Variants in STK17B observed in about 807,000 individuals in gnomAD.
STK17B encodes the protein serine/threonine-protein kinase 17B.
A neutral mutation model predicts 42.0 loss-of-function variants in STK17B; 21 were observed. The ratio of observed to expected loss-of-function variants is 0.50; its 90% CI spans 0.35 to 0.72. The LOEUF (loss-of-function observed/expected upper bound fraction) is 0.72. STK17B is among the 30% of genes least tolerant of loss of function. The pLI is 0.00. For synonymous variants in STK17B, 143 were observed against 148.4 expected, an observed-to-expected ratio of 0.96 and a Z score of 0.26; for missense variants, 349 against 446.0, an observed-to-expected ratio of 0.78 and a Z score of 1.96.
At chr2:196,175,795 C>T (rs1216646734), upstream of STK17B, among the ~76,000 whole-genome samples, 1 of 151,668 alleles carries the variant, frequency 6.6e-6, no homozygotes, top group Admixed American at 6.6e-5. Context: ...GGGCTAGAAA[C>T]GTGCCTTCTA....
intron 2 of STK17B, among the ~76,000 whole-genome samples, chr2:196,157,171 T>TA (rs1359070329): frequency 6.7e-6 from 1 of 150,260 alleles, no homozygotes; most frequent in Non-Finnish European, 1.5e-5. Context: ...AAAAAAAAGA[T>TA]ACATTATCAT....
At chr2:196,153,725 A>G (rs1465759799) in intron 3 of STK17B, 1 of 152,172 alleles carries the variant, frequency 6.6e-6, no homozygotes, top group Non-Finnish European at 1.5e-5. Flanking sequence ...ATGACATTAT[A>G]TCAAAAGGAC....
intron 1 of STK17B, among the ~76,000 whole-genome samples, 171 bp downstream of exon 1, chr2:196,171,162 G>A (rs1699937121): frequency 6.6e-6 from 1 of 152,218 alleles, no homozygotes. Context: ...GCGGAGAGGC[G>A]CCAGCAGCAA....
intron 2 of STK17B, among the ~76,000 whole-genome samples, 180 bp downstream of exon 2, chr2:196,163,082 C>A (rs905980649): frequency 6.6e-6 from 1 of 152,028 alleles, no homozygotes; most frequent in East Asian, 1.9e-4. Context: ...GTTCACTAAA[C>A]CCTCCACAGA....
rs1699527114 is a variant in STK17B at position 196,143,758 on chromosome 2, T to C, written c.481-72A>G. 4.7e-6 allele frequency: 6 copies of C among 1,290,060 alleles called. No homozygotes were observed. The Admixed American group carries it at 1.7e-4, about 36-fold the overall frequency. 79.9% of individuals were successfully genotyped at this position (1,290,060 alleles called of 1,614,324 possible). On this transcript the variant is annotated intron_variant, in intron 4 of 7. Transcript: ENST00000263955. Reference sequence around the variant, plus strand: ...ATACTAGTCTCAGATGGAAAGTATATTAAGTGGAAGATATTGCTCAGCTAT... The same window carrying C: ...ATACTAGTCTCAGATGGAAAGTATACTAAGTGGAAGATATTGCTCAGCTAT...
chr2:196,153,678 T>C (rs7586917), intron 3 of STK17B: 111,077 of 151,840 alleles, frequency 0.73, 41,049 homozygotes, highest in East Asian at 0.91. Context: ...CCCTGGAAAT[T>C]TTGGTGTGCA....
chr2:196,156,990 C>T (rs1014410868), intron 2 of STK17B, among the ~76,000 whole-genome samples: 23 of 152,080 alleles, frequency 1.5e-4, no homozygotes, highest in African/African-American at 5.6e-4. Context: ...CATGGCAAAA[C>T]CCTGTCTCTA....
rs547720073 is a variant in STK17B at position 196,171,435 on chromosome 2, G to C, written c.-147C>G. 1 of 152,202 alleles carries C rather than the reference G, an allele frequency of 6.6e-6. No individual in the cohort carries two copies. The highest frequency in any genetic ancestry group is 1.5e-5 in the Non-Finnish European group (1 of 68,066). The allele number at this position is 152,202 out of a possible 1,614,324, so 9.4% of individuals were successfully genotyped here. On this transcript the variant is annotated 5_prime_UTR_variant, in exon 1 of 8. Coordinates refer to ENST00000263955, the MANE Select transcript of STK17B (RefSeq NM_004226.4). Reference sequence around the variant, plus strand: ...CAGGACGAGTTCTCTAGCTCCAGCCGGGCGAGGCGCCAGGGAGCTCCGAAC... The same window carrying C: ...CAGGACGAGTTCTCTAGCTCCAGCCCGGCGAGGCGCCAGGGAGCTCCGAAC...
intron 6 of STK17B, among the ~76,000 whole-genome samples, chr2:196,140,117 C>A (rs138394352): frequency 2.5e-3 from 384 of 152,328 alleles, no homozygotes; most frequent in Non-Finnish European, 4.1e-3. Flanking sequence ...AAGTGGTTTC[C>A]AATGGCAAAG....
At chr2:196,144,687 A>G (rs1005459123) in intron 4 of STK17B, among the ~76,000 whole-genome samples, 6 of 152,068 alleles carry the variant, frequency 3.9e-5, no homozygotes, top group Admixed American at 3.9e-4. Flanking sequence ...AAGAGGGCAT[A>G]GTACACCTCA....
At chr2:196,168,322 A>C (rs1445815792) in intron 1 of STK17B, among the ~76,000 whole-genome samples, 1 of 152,224 alleles carries the variant, frequency 6.6e-6, no homozygotes, top group Non-Finnish European at 1.5e-5. Context: ...TAAACCTGTT[A>C]ATTGTGAACC....
intron 5 of STK17B, among the ~76,000 whole-genome samples, chr2:196,142,733 T>C (rs1015502616): frequency 1.3e-5 from 2 of 152,230 alleles, no homozygotes; most frequent in Non-Finnish European, 2.9e-5. Flanking sequence ...TCTAGGACTA[T>C]AGCCCCAGTT....
chr2:196,167,671 G>C (rs1258113865), intron 1 of STK17B, among the ~76,000 whole-genome samples: 1 of 152,160 alleles, frequency 6.6e-6, no homozygotes, highest in Non-Finnish European at 1.5e-5. Flanking sequence ...AGACAAGGTG[G>C]CTACTTGTTT....
At chr2:196,170,081 G>A (rs945969410) in intron 1 of STK17B, among the ~76,000 whole-genome samples, 39 of 152,132 alleles carry the variant, frequency 2.6e-4, no homozygotes, top group Non-Finnish European at 4.9e-4. Context: ...CACAATCCTA[G>A]GGGTACACGG....
chr2:196,165,698 C>T (rs1699867288), intron 1 of STK17B: 1 of 152,176 alleles, frequency 6.6e-6, no homozygotes, highest in African/African-American at 2.4e-5. Context: ...TTTGCTGCCT[C>T]TAAAGTATGG....
chr2:196,159,368 T>C (rs1038788882), intron 2 of STK17B, among the ~76,000 whole-genome samples: 2 of 150,824 alleles, frequency 1.3e-5, no homozygotes, highest in Non-Finnish European at 2.9e-5. Flanking sequence ...TGGAGTGCAG[T>C]GGCAGGATCT....
At chr2:196,149,304 C>G (rs1235548292) in intron 3 of STK17B, among the ~76,000 whole-genome samples, 1 of 152,110 alleles carries the variant, frequency 6.6e-6, no homozygotes, top group Non-Finnish European at 1.5e-5. Flanking sequence ...GCTAGGACTA[C>G]AGGCGCGTGG....
intron 5 of STK17B, among the ~76,000 whole-genome samples, chr2:196,143,275 C>G (rs1699518613): frequency 6.6e-6 from 1 of 152,162 alleles, no homozygotes; most frequent in Non-Finnish European, 1.5e-5. Flanking sequence ...CCTAACTTCC[C>G]TCTTACCCAT....
intron 2 of STK17B, among the ~76,000 whole-genome samples, chr2:196,160,746 T>A (rs1270871420): frequency 6.6e-6 from 1 of 152,200 alleles, no homozygotes. Flanking sequence ...AGATGTTACT[T>A]GGTCTCTTTC....
Sources: gnomAD v4.1 joint callset for allele counts (sites outside exome capture counted in the v4.1 genomes callset) on GRCh38, gnomAD v4.1.1 for gene constraint, MANE v1.5 for transcripts, NCBI Gene and HGNC (gene_info 2026-07-23, HGNC 2026-07-21) for gene names.